RILP: variants seen among roughly 807,000 people sequenced by gnomAD.
RILP encodes rab-interacting lysosomal protein.
A neutral mutation model predicts 40.0 loss-of-function variants in RILP; 53 were observed. The ratio of observed to expected loss-of-function variants is 1.32; its 90% CI spans 1.06 to 1.66. The LOEUF (loss-of-function observed/expected upper bound fraction) is 1.66, where lower values mean the gene tolerates loss of function less well. Among genes scored for constraint, RILP ranks in the 40% most tolerant of loss-of-function variants. The probability of loss-of-function intolerance (pLI) is 0.00; values close to 1 mark genes in which losing one functional copy is unlikely to be tolerated. For missense variants in RILP, 626 were observed against 551.7 expected (o/e 1.13, Z -1.35); for synonymous variants, 272 against 250.6 (o/e 1.09, Z -0.80).
chr17:1,646,272 T>C lies in RILP; in HGVS notation c.*170A>G. 1 of 540,268 alleles carries C rather than the reference T, an allele frequency of 1.9e-6. No homozygotes were observed. The highest frequency in any genetic ancestry group is 3.1e-6 in the Non-Finnish European group (1 of 319,958). The allele number at this position is 540,268 out of a possible 1,614,324, so 33.5% of individuals were successfully genotyped here. A position where few individuals can be genotyped will look rare whatever the true frequency, so the allele number is the denominator to read the frequency against. ...AAACTGAGACTCAGAGAGGCACTCTTATATCTGGCCCCAGAGGCTCGGTAC... is the reference window on the plus strand; with the variant it reads ...AAACTGAGACTCAGAGAGGCACTCTCATATCTGGCCCCAGAGGCTCGGTAC... On this transcript the variant is annotated 3_prime_UTR_variant, in exon 8 of 8. Coordinates refer to ENST00000301336, the MANE Select transcript of RILP (RefSeq NM_031430.3). The surrounding 1 kb of genome is among the most constrained non-coding windows in gnomAD (Gnocchi z 4.3).
Position 1,648,874 on chromosome 17 carries a change from C to G in RILP, c.600G>C (p.Arg200=). The change falls in exon 4 of 8, where the codon CGG becomes CGC. Residue 200 remains arginine (R), a synonymous_variant. Transcript: ENST00000301336. The surrounding 1 kb of genome is among the most constrained non-coding windows in gnomAD (Gnocchi z 4.9). The part of the protein sequence containing the change: ...AKERARGQAG[R]PGHQHGQEPE... ...GCTCCTGTCCGTGCTGGTGCCCGGG[C>G]CGCCCGGCCTGCCCCCGCGCTCGCT... The G allele has an allele frequency of 6.5e-7, 1 of 1,534,194 alleles. No individual in the cohort carries two copies. Among genetic ancestry groups the G allele is most frequent in the South Asian group, 1.2e-5 (1 of 83,552 alleles).
chr17:1,649,412 C>T lies in RILP; in HGVS notation c.322G>A (p.Glu108Lys). ...LRRELRAGPQ[E>K]ERALLRQLKE... Reference sequence around the variant, plus strand: ...CTGCCCTGGCCGGGGCTGCGCTTACCCTGTGGCCCCGCGCGCAGCTCCCTG... The same window carrying T: ...CTGCCCTGGCCGGGGCTGCGCTTACTCTGTGGCCCCGCGCGCAGCTCCCTG... Residue 108 changes from glutamate (E) to lysine (K), a missense_variant and splice_region_variant, in exon 2 of 8, where the codon GAG (glutamate) becomes AAG (lysine). Physicochemically the swap from Glu to Lys is moderately conservative, Grantham distance 56. Transcript: ENST00000301336. This position sits in a 1 kb window ranked among gnomAD's most constrained non-coding sequence, Gnocchi z 4.3. 6.6e-7 allele frequency: 1 copy of T among 1,506,452 alleles called. No individual in the cohort carries two copies. The highest frequency in any genetic ancestry group is 8.8e-7 in the Non-Finnish European group (1 of 1,135,058). The allele number at this position is 1,506,452 out of a possible 1,614,324, so 93.3% of individuals were successfully genotyped here.
In RILP at chr17:1,648,078, C is replaced by T. The variant is rs942058097; in HGVS notation, c.822-121G>A. The T allele has an allele frequency of 2.2e-6, 3 of 1,355,096 alleles. No individual in the cohort carries two copies. The highest frequency in any genetic ancestry group is 2.6e-5 in the South Asian group (2 of 75,632). 83.9% of individuals were successfully genotyped at this position (1,355,096 alleles called of 1,614,324 possible). On this transcript the variant is annotated intron_variant, in intron 5 of 7. Transcript: ENST00000301336. The surrounding 1 kb of genome is among the most constrained non-coding windows in gnomAD (Gnocchi z 4.9). ...CCTGTGCACGCAGCTCTTCCCTGAACACGGGAAGCGCTCTGCCTTGCTGAC... is the reference window on the plus strand; with the variant it reads ...CCTGTGCACGCAGCTCTTCCCTGAATACGGGAAGCGCTCTGCCTTGCTGAC...
chr17:1,648,450 AC>A lies in RILP; in HGVS notation c.720del (p.Gln240HisfsTer51). ...TCAAACTCCTCCCGACTGAAGCGGC[AC>A]TGCCCTGCCTCCGAGGGGCGCCCGA... ...QQLGRPSEAGQCRFSREEFEQ... is the reference protein window; with the variant it reads ...QQLGRPSEAGXCRFSREEFEQ... On this transcript the variant is annotated frameshift_variant, in exon 5 of 8. Coordinates refer to ENST00000301336, the MANE Select transcript of RILP (RefSeq NM_031430.3). LOFTEE classifies it high-confidence loss of function. This position sits in a 1 kb window ranked among gnomAD's most constrained non-coding sequence, Gnocchi z 4.9. 6.2e-7 allele frequency: 1 copy of A among 1,613,976 alleles called. No individual in the cohort carries two copies. The highest frequency in any genetic ancestry group is 8.5e-7 in the Non-Finnish European group (1 of 1,180,010).
Position 1,648,266 on chromosome 17 carries a change from C to T in RILP, c.821+84G>A. Reference sequence around the variant, plus strand: ...TGTCCTCCCAGTTCCCAGCGCAGGCCTGGCACATGTCACTGTGGACATGTC... The same window carrying T: ...TGTCCTCCCAGTTCCCAGCGCAGGCTTGGCACATGTCACTGTGGACATGTC... On this transcript the variant is annotated intron_variant, in intron 5 of 7. Transcript: ENST00000301336. This position sits in a 1 kb window ranked among gnomAD's most constrained non-coding sequence, Gnocchi z 4.9. 5 of 1,518,904 alleles carry T rather than the reference C, an allele frequency of 3.3e-6. 1 individual carries two copies. The highest frequency in any genetic ancestry group is 2.7e-6 in the Non-Finnish European group (3 of 1,120,250). 94.1% of individuals were successfully genotyped at this position (1,518,904 alleles called of 1,614,324 possible).
At position 1,649,449 on chromosome 17, in the gene RILP, G is replaced by C; in HGVS notation, c.285C>G (p.Asn95Lys). ...CGCGCAGCTCCCTGCGGAGGCGCTCGTTCTCCTCCCGCAGCCGCCGCAGCT... is the reference window on the plus strand; with the variant it reads ...CGCGCAGCTCCCTGCGGAGGCGCTCCTTCTCCTCCCGCAGCCGCCGCAGCT... ...EQELRRLREE[N>K]ERLRRELRAG... The change falls in exon 2 of 8, where the codon AAC (asparagine) becomes AAG (lysine). Residue 95 changes from asparagine (N) to lysine (K), a missense_variant. Transcript: ENST00000301336. The surrounding 1 kb of genome is among the most constrained non-coding windows in gnomAD (Gnocchi z 4.3). The C allele has an allele frequency of 6.6e-7, 1 of 1,511,254 alleles. No homozygotes were observed. The highest frequency in any genetic ancestry group is 1.2e-5 in the South Asian group (1 of 82,000). The allele number at this position is 1,511,254 out of a possible 1,614,324, so 93.6% of individuals were successfully genotyped here.
rs896875300 is a variant in RILP, at chr17:1,646,856, G to A, written c.1028+50C>T. 4 of 1,393,694 alleles carry A rather than the reference G, an allele frequency of 2.9e-6. No homozygotes were observed. Among genetic ancestry groups the A allele is most frequent in the Non-Finnish European group, 3.9e-6 (4 of 1,015,978 alleles). The allele number at this position is 1,393,694 out of a possible 1,614,324, so 86.3% of individuals were successfully genotyped here. A position where few individuals can be genotyped will look rare whatever the true frequency, so the allele number is the denominator to read the frequency against. ...GGGGATCCTGAGAAGGACCAGCCAG[G>A]GCCCTTCCTCCCTCCCCACACTCTT... On this transcript the variant is annotated intron_variant, in intron 7 of 7. Coordinates refer to ENST00000301336, the MANE Select transcript of RILP (RefSeq NM_031430.3). The surrounding 1 kb of genome is among the most constrained non-coding windows in gnomAD (Gnocchi z 4.3).
rs1281514446 is a variant in RILP at position 1,649,046 on chromosome 17, T to C, written c.430-2A>G. 6.7e-5 allele frequency: 18 copies of C among 270,472 alleles called. No homozygotes were observed. Among genetic ancestry groups the C allele is most frequent in the Non-Finnish European group, 9.1e-5 (16 of 175,808 alleles). 16.8% of individuals were successfully genotyped at this position (270,472 alleles called of 1,614,324 possible). On this transcript the variant is annotated splice_acceptor_variant, in intron 3 of 7. Coordinates refer to ENST00000301336, the MANE Select transcript of RILP (RefSeq NM_031430.3). LOFTEE classifies it high-confidence loss of function. This position sits in a 1 kb window ranked among gnomAD's most constrained non-coding sequence, Gnocchi z 4.3. Reference sequence around the variant, plus strand: ...GAGGCGCTGCAGCTGCTCCTGCAACTGGGAGCGGAGCAAAGGGTGGGGTGG... The same window carrying C: ...GAGGCGCTGCAGCTGCTCCTGCAACCGGGAGCGGAGCAAAGGGTGGGGTGG...
chr17:1,646,249 AC>A lies in RILP; in HGVS notation c.*192del, dbSNP rs1910556394. ...CAGCTCTCATTTCATGGATGGGGAA[AC>A]TGAGACTCAGAGAGGCACTCTTATA... is the stretch of plus-strand genomic sequence containing the variant. On this transcript the variant is annotated 3_prime_UTR_variant, in exon 8 of 8. Transcript: ENST00000301336. This position sits in a 1 kb window ranked among gnomAD's most constrained non-coding sequence, Gnocchi z 4.3. 2.0e-6 allele frequency: 1 copy of A among 498,276 alleles called. No homozygotes were observed. The highest frequency in any genetic ancestry group is 2.0e-5 in the African/African-American group (1 of 51,030). 30.9% of individuals were successfully genotyped at this position (498,276 alleles called of 1,614,324 possible).
Position 1,646,388 on chromosome 17 carries a change from G to T in RILP, c.*54C>A. ...GACCCCTGGCGAGGGCTGTGAAGGC[G>T]GGAGCCCTGTCCTCATTTGAGGCCA... On this transcript the variant is annotated 3_prime_UTR_variant, in exon 8 of 8. Coordinates refer to ENST00000301336, the MANE Select transcript of RILP (RefSeq NM_031430.3). This position sits in a 1 kb window ranked among gnomAD's most constrained non-coding sequence, Gnocchi z 4.3. 1 of 1,492,988 alleles carries T rather than the reference G, an allele frequency of 6.7e-7. No homozygotes were observed. Among genetic ancestry groups the T allele is most frequent in the Non-Finnish European group, 9.0e-7 (1 of 1,115,108 alleles). 92.5% of individuals were successfully genotyped at this position (1,492,988 alleles called of 1,614,324 possible).
At position 1,646,875 on chromosome 17, in the gene RILP, C is replaced by T; in HGVS notation, c.1028+31G>A. On this transcript the variant is annotated intron_variant, in intron 7 of 7. Transcript: ENST00000301336. This position sits in a 1 kb window ranked among gnomAD's most constrained non-coding sequence, Gnocchi z 4.3. ...AGCCAGGGCCCTTCCTCCCTCCCCA[C>T]ACTCTTGCCTTTCCCCTTTCCCCAA... 6.6e-7 allele frequency: 1 copy of T among 1,511,710 alleles called. No individual in the cohort carries two copies. The highest frequency in any genetic ancestry group is 1.4e-5 in the African/African-American group (1 of 72,444). The allele number at this position is 1,511,710 out of a possible 1,614,324, so 93.6% of individuals were successfully genotyped here. A position where few individuals can be genotyped will look rare whatever the true frequency, so the allele number is the denominator to read the frequency against.
rs1004418082 is a variant in RILP, at chr17:1,649,137, G to A, written c.429+63C>T. On this transcript the variant is annotated intron_variant, in intron 3 of 7. Coordinates refer to ENST00000301336, the MANE Select transcript of RILP (RefSeq NM_031430.3). The surrounding 1 kb of genome is among the most constrained non-coding windows in gnomAD (Gnocchi z 4.3). Reference sequence around the variant, plus strand: ...GCCTCGCTCCGCCCCCGCCCCCGGAGCCCCGCCCAGCGCCTGCCACGCTCC... The same window carrying A: ...GCCTCGCTCCGCCCCCGCCCCCGGAACCCCGCCCAGCGCCTGCCACGCTCC... 67 of 1,141,180 alleles carry A rather than the reference G, an allele frequency of 5.9e-5. No homozygotes were observed. In the African/African-American group the frequency reaches 1.1e-3, roughly 18 times the overall value. 70.7% of individuals were successfully genotyped at this position (1,141,180 alleles called of 1,614,324 possible). A position where few individuals can be genotyped will look rare whatever the true frequency, so the allele number is the denominator to read the frequency against.
Position 1,646,550 on chromosome 17 carries a change from C to A in RILP, c.1098G>T (p.Lys366Asn). 3 of 1,613,412 alleles carry A rather than the reference C, an allele frequency of 1.9e-6. No individual in the cohort carries two copies. Among genetic ancestry groups the A allele is most frequent in the Non-Finnish European group, 2.5e-6 (3 of 1,179,632 alleles). Residue 366 changes from lysine (K) to asparagine (N), a missense_variant, in exon 8 of 8, where the codon AAG becomes AAT. Coordinates refer to ENST00000301336, the MANE Select transcript of RILP (RefSeq NM_031430.3). This position sits in a 1 kb window ranked among gnomAD's most constrained non-coding sequence, Gnocchi z 4.3. ...EDETSSPAPS[K>N]LGGEEEAQPQ... Reference sequence around the variant, plus strand: ...GTTGGGCCTCCTCTTCTCCCCCTAGCTTGCTGGGTGCAGGGCTGCTGGTCT... The same window carrying A: ...GTTGGGCCTCCTCTTCTCCCCCTAGATTGCTGGGTGCAGGGCTGCTGGTCT...
At position 1,646,857 on chromosome 17, in the gene RILP, G is replaced by T; in HGVS notation, c.1028+49C>A. 2 of 1,395,024 alleles carry T rather than the reference G, an allele frequency of 1.4e-6. No individual in the cohort carries two copies. The highest frequency in any genetic ancestry group is 2.0e-6 in the Non-Finnish European group (2 of 1,016,582). The allele number at this position is 1,395,024 out of a possible 1,614,324, so 86.4% of individuals were successfully genotyped here. A position where few individuals can be genotyped will look rare whatever the true frequency, so the allele number is the denominator to read the frequency against. ...GGGATCCTGAGAAGGACCAGCCAGG[G>T]CCCTTCCTCCCTCCCCACACTCTTG... On this transcript the variant is annotated intron_variant, in intron 7 of 7. Transcript: ENST00000301336. This position sits in a 1 kb window ranked among gnomAD's most constrained non-coding sequence, Gnocchi z 4.3.
At position 1,648,360 on chromosome 17, in the gene RILP, A is replaced by T; in HGVS notation, c.811T>A (p.Tyr271Asn). ...TCCCAGCGTCCTCACCGCTGGAAGTAGGCCAGTTCCTCCTTGAGCAGGAAC... is the reference window on the plus strand; with the variant it reads ...TCCCAGCGTCCTCACCGCTGGAAGTTGGCCAGTTCCTCCTTGAGCAGGAAC... Reference protein sequence around the residue: ...KVFLLKEELAYFQRELLTDHR... With the variant: ...KVFLLKEELANFQRELLTDHR... The change falls in exon 5 of 8, where the codon TAC becomes AAC. Residue 271 changes from tyrosine (Y) to asparagine (N), a missense_variant. Tyr to Asn is a moderately radical substitution (Grantham distance 143). Transcript: ENST00000301336. This position sits in a 1 kb window ranked among gnomAD's most constrained non-coding sequence, Gnocchi z 4.9. 1 of 1,613,698 alleles carries T rather than the reference A, an allele frequency of 6.2e-7. No individual in the cohort carries two copies. The highest frequency in any genetic ancestry group is 8.5e-7 in the Non-Finnish European group (1 of 1,179,858).
chr17:1,646,735 G>A lies in RILP; in HGVS notation c.1029-116C>T. 1 of 1,186,164 alleles carries A rather than the reference G, an allele frequency of 8.4e-7. No homozygotes were observed. Among genetic ancestry groups the A allele is most frequent in the Non-Finnish European group, 1.2e-6 (1 of 839,812 alleles). The allele number at this position is 1,186,164 out of a possible 1,614,324, so 73.5% of individuals were successfully genotyped here. A position where few individuals can be genotyped will look rare whatever the true frequency, so the allele number is the denominator to read the frequency against. On this transcript the variant is annotated intron_variant, in intron 7 of 7. Transcript: ENST00000301336. The surrounding 1 kb of genome is among the most constrained non-coding windows in gnomAD (Gnocchi z 4.3). ...AGGGGGAAGAAAGGGCAGCCTGAGG[G>A]AGTGTGAAGGTGATGGGGGCCAGGG...
In RILP at chr17:1,646,178, T is replaced by G. The variant is rs1016397203; in HGVS notation, c.*264A>C. 2.2e-6 allele frequency: 1 copy of G among 454,874 alleles called. No individual in the cohort carries two copies. Among genetic ancestry groups the G allele is most frequent in the African/African-American group, 2.0e-5 (1 of 49,952 alleles). The allele number at this position is 454,874 out of a possible 1,614,324, so 28.2% of individuals were successfully genotyped here. The stretch of plus-strand genomic sequence containing the variant: ...CTGTGTATTACGGGCAGTTCTTTAT[T>G]ACATGAGCTCAGGCCGTCTGCACAA... On this transcript the variant is annotated 3_prime_UTR_variant, in exon 8 of 8. Coordinates refer to ENST00000301336, the MANE Select transcript of RILP (RefSeq NM_031430.3). This position sits in a 1 kb window ranked among gnomAD's most constrained non-coding sequence, Gnocchi z 4.3.
Position 1,648,264 on chromosome 17 carries a change from G to T in RILP, c.821+86C>A, listed in dbSNP as rs1598529623. 6.6e-6 allele frequency: 10 copies of T among 1,504,672 alleles called. No homozygotes were observed. In the East Asian group the frequency reaches 1.9e-4, roughly 28 times the overall value. 93.2% of individuals were successfully genotyped at this position (1,504,672 alleles called of 1,614,324 possible). On this transcript the variant is annotated intron_variant, in intron 5 of 7. Coordinates refer to ENST00000301336, the MANE Select transcript of RILP (RefSeq NM_031430.3). This position sits in a 1 kb window ranked among gnomAD's most constrained non-coding sequence, Gnocchi z 4.9. ...CATGTCCTCCCAGTTCCCAGCGCAGGCCTGGCACATGTCACTGTGGACATG... is the reference window on the plus strand; with the variant it reads ...CATGTCCTCCCAGTTCCCAGCGCAGTCCTGGCACATGTCACTGTGGACATG...
In RILP at chr17:1,649,020, G is replaced by C. The variant is rs1597219530; in HGVS notation, c.454C>G (p.Leu152Val). Residue 152 changes from leucine (L) to valine (V), a missense_variant, in exon 4 of 8, where the codon CTG becomes GTG. Leu to Val is a conservative substitution (Grantham distance 32, BLOSUM62 1). Coordinates refer to ENST00000301336, the MANE Select transcript of RILP (RefSeq NM_031430.3). This position sits in a 1 kb window ranked among gnomAD's most constrained non-coding sequence, Gnocchi z 4.3. ...TGCCGCAGCTCAGCGTTCACCAGCA[G>C]GAGGCGCTGCAGCTGCTCCTGCAAC... ...EALQEQLQRL[L>V]LVNAELRHKL... 4 of 1,422,746 alleles carry C rather than the reference G, an allele frequency of 2.8e-6. No individual in the cohort carries two copies. Among genetic ancestry groups the C allele is most frequent in the Non-Finnish European group, 3.7e-6 (4 of 1,088,520 alleles). 88.1% of individuals were successfully genotyped at this position (1,422,746 alleles called of 1,614,324 possible). A position where few individuals can be genotyped will look rare whatever the true frequency, so the allele number is the denominator to read the frequency against.
Sources: allele counts gnomAD v4.1 joint callset, GRCh38; gene constraint gnomAD v4.1.1; non-coding constraint Gnocchi (gnomAD v3.1); transcripts MANE v1.5; gene names NCBI Gene and HGNC (gene_info 2026-07-23, HGNC 2026-07-21).